Variants in CNTNAP2 observed in about 807,000 individuals in gnomAD.
The protein encoded by CNTNAP2 is contactin-associated protein-like 2.
A neutral mutation model predicts 155.2 loss-of-function variants in CNTNAP2; 98 were observed. The observed-to-expected ratio is 0.63, with a 90% CI of 0.54 to 0.75. The LOEUF is 0.75. CNTNAP2 is among the 30% of genes least tolerant of loss of function. The pLI is 0.00. For synonymous variants in CNTNAP2, 651 were observed against 631.2 expected (o/e 1.03, Z -0.47); for missense variants, 1,727 against 1,688.1 (o/e 1.02, Z -0.40).
intron 1 of CNTNAP2, among the ~76,000 whole-genome samples, chr7:146,122,159 A>G (rs879355023): frequency 6.6e-6 from 1 of 152,188 alleles, no homozygotes; most frequent in South Asian, 2.1e-4. Context: ...ACTATGGGAA[A>G]AGGACCTAGA....
At chr7:147,268,934 G>A (rs996475312) in intron 8 of CNTNAP2, among the ~76,000 whole-genome samples, 1 of 152,084 alleles carries the variant, frequency 6.6e-6, no homozygotes, top group Non-Finnish European at 1.5e-5. Flanking sequence ...TACAAATAAA[G>A]TACTAAATGG....
chr7:146,237,430 G>GA (rs1356570091), intron 1 of CNTNAP2, among the ~76,000 whole-genome samples: 2 of 152,106 alleles, frequency 1.3e-5, no homozygotes, highest in South Asian at 2.1e-4. Context: ...CTTTGATTTA[G>GA]AAAAAATAAT....
At chr7:148,118,076 C>A (rs753881841) in intron 15 of CNTNAP2, 42 bp from the exon 16 acceptor site, 2 of 1,607,552 alleles carry the variant, frequency 1.2e-6, no homozygotes, top group East Asian at 2.2e-5. Context: ...CTAGGCTGAT[C>A]AGGGTGTGAG....
At chr7:146,352,709 T>C (rs2129099048) in intron 1 of CNTNAP2, among the ~76,000 whole-genome samples, 1 of 148,916 alleles carries the variant, frequency 6.7e-6, no homozygotes, top group East Asian at 2.0e-4. Flanking sequence ...AAAAATGAAA[T>C]AGATATAGTC....
At chr7:146,565,858 C>T (rs1798349065) in intron 1 of CNTNAP2, among the ~76,000 whole-genome samples, 1 of 152,244 alleles carries the variant, frequency 6.6e-6, no homozygotes, top group Non-Finnish European at 1.5e-5. Context: ...AAGATAAACT[C>T]TCATGCCTGC....
At chr7:146,347,132 A>G (rs1366625142) in intron 1 of CNTNAP2, among the ~76,000 whole-genome samples, 1 of 119,844 alleles carries the variant, frequency 8.3e-6, no homozygotes, top group Non-Finnish European at 1.6e-5. Flanking sequence ...AGGAATCCAT[A>G]CTCTGTAAAA....
At chr7:147,507,550 CTTTTTTT>C (rs3052511) in intron 11 of CNTNAP2, among the ~76,000 whole-genome samples, 5 of 82,022 alleles carry the variant, frequency 6.1e-5, no homozygotes, top group Middle Eastern at 0.011. Context: ...CTCTTTCTTT[CTTTTTTT>C]TTTTTTTTTT....
intron 15 of CNTNAP2, among the ~76,000 whole-genome samples, chr7:148,029,932 A>T (rs1279982611): frequency 1.3e-5 from 2 of 152,180 alleles, no homozygotes; most frequent in Non-Finnish European, 1.5e-5. Flanking sequence ...GAACAGGGAG[A>T]TGTTCTAAGT....
At chr7:147,683,658 C>A (rs951795726) in intron 13 of CNTNAP2, among the ~76,000 whole-genome samples, 1 of 150,506 alleles carries the variant, frequency 6.6e-6, no homozygotes, top group Non-Finnish European at 1.5e-5. Flanking sequence ...AGATGCCTAA[C>A]TAATACATAT....
intron 1 of CNTNAP2, among the ~76,000 whole-genome samples, chr7:146,444,368 A>G (rs982578569): frequency 6.6e-6 from 1 of 152,162 alleles, no homozygotes; most frequent in African/African-American, 2.4e-5. Context: ...ACTTACATGA[A>G]TCAGAAATTT....
chr7:147,729,404 A>G (rs1016953812), intron 13 of CNTNAP2, among the ~76,000 whole-genome samples: 6 of 87,286 alleles, frequency 6.9e-5, no homozygotes, highest in Non-Finnish European at 1.3e-4. Flanking sequence ...ATAAGAAAAC[A>G]TGCACACACA....
chr7:146,873,024 G>C (rs11975617), intron 3 of CNTNAP2, among the ~76,000 whole-genome samples: 6,016 of 152,230 alleles, frequency 0.04, 390 homozygotes, highest in African/African-American at 0.13. Context: ...AATTGTGCCA[G>C]ATCCCTCTTC....
At chr7:147,537,154 C>T (rs985182083) in intron 11 of CNTNAP2, among the ~76,000 whole-genome samples, 1 of 152,164 alleles carries the variant, frequency 6.6e-6, no homozygotes, top group Non-Finnish European at 1.5e-5. Flanking sequence ...TTTAGTCTAG[C>T]ATTAAATACA....
At chr7:148,062,755 C>G (rs1178932332) in intron 15 of CNTNAP2, among the ~76,000 whole-genome samples, 2 of 151,996 alleles carry the variant, frequency 1.3e-5, no homozygotes, top group African/African-American at 4.8e-5. Flanking sequence ...TGAGTTAAGG[C>G]TAGAAACTCA....
chr7:148,116,497 A>G lies in CNTNAP2; in HGVS notation c.2384-1621A>G, dbSNP rs367915366. Among the ~76,000 whole-genome samples the G allele has an allele frequency of 1.2e-4, 19 of 152,284 alleles. No homozygotes were observed. In the East Asian group the frequency reaches 1.9e-3, roughly 15 times the overall value. ...TCTCTCCAACCCCGCACCCCAGTAG[A>G]CAACTTGAATTCTGGTGCTGCCCAA... On this transcript the variant is annotated intron_variant, in intron 15 of 23. Transcript: ENST00000361727.
intron 15 of CNTNAP2, among the ~76,000 whole-genome samples, chr7:148,102,627 C>T (rs1179392926): frequency 3.3e-5 from 5 of 152,150 alleles, no homozygotes; most frequent in African/African-American, 1.2e-4. Context: ...TTTGATTATC[C>T]AAGCACGTAC....
At chr7:148,097,608 C>T (rs1804001157) in intron 15 of CNTNAP2, among the ~76,000 whole-genome samples, 1 of 152,128 alleles carries the variant, frequency 6.6e-6, no homozygotes, top group Non-Finnish European at 1.5e-5. Context: ...CCTCAGCCTC[C>T]TGAGTAGCTG....
chr7:147,734,164 G>C (rs567014748), intron 13 of CNTNAP2, among the ~76,000 whole-genome samples: 1 of 152,080 alleles, frequency 6.6e-6, no homozygotes, highest in African/African-American at 2.4e-5. Context: ...GTCATAAATA[G>C]CCTTTATTAT....
rs71188948 is a variant in CNTNAP2 at position 148,150,102 on chromosome 7, C to CAA, written c.2773+2420_2773+2421dup. Among the ~76,000 whole-genome samples, 306 of 84,514 alleles carry CAA rather than the reference C, an allele frequency of 3.6e-3. 22 individuals carry two copies. Among genetic ancestry groups the CAA allele is most frequent in the East Asian group, 0.015 (46 of 3,096 alleles). 55.4% of individuals were successfully genotyped at this position (84,514 alleles called of 152,430 possible). A position where few individuals can be genotyped will look rare whatever the true frequency, so the allele number is the denominator to read the frequency against. Reference sequence around the variant, plus strand: ...TCAGGTGAAGTGAGAGGGGTTGTTACAAAAAAAAAAAAAAAAAAAAAAAAA... The same window carrying CAA: ...TCAGGTGAAGTGAGAGGGGTTGTTACAAAAAAAAAAAAAAAAAAAAAAAAAAA... On this transcript the variant is annotated intron_variant, in intron 17 of 23. Transcript: ENST00000361727.
Sources: gnomAD v4.1 joint callset for allele counts (sites outside exome capture counted in the v4.1 genomes callset) on GRCh38, gnomAD v4.1.1 for gene constraint, MANE v1.5 for transcripts, NCBI Gene and HGNC (gene_info 2026-07-23, HGNC 2026-07-21) for gene names.